PIP4K2A: variants seen among roughly 807,000 people sequenced by gnomAD.
PIP4K2A encodes the protein phosphatidylinositol-5-phosphate 4-kinase type 2 alpha, also known as phosphatidylinositol 5-phosphate 4-kinase type-2 alpha.
In PIP4K2A, 14 loss-of-function variants were observed where a neutral mutation model predicts 42.9. The observed-to-expected ratio is 0.33, with a 90% confidence interval of 0.22 to 0.51. The LOEUF (loss-of-function observed/expected upper bound fraction) is 0.51, where lower values mean the gene tolerates loss of function less well. Ranked by LOEUF, PIP4K2A falls within the 20% of genes least tolerant of loss-of-function variation. PIP4K2A has a pLI of 0.97. For synonymous variants in PIP4K2A, 192 were observed against 192.2 expected (o/e 1.00, Z 0.01); for missense variants, 434 against 519.8 (o/e 0.83, Z 1.61).
intron 4 of PIP4K2A, among the ~76,000 whole-genome samples, chr10:22,584,569 C>G (rs964531862): frequency 6.6e-6 from 1 of 152,118 alleles, no homozygotes; most frequent in Non-Finnish European, 1.5e-5. Context: ...GCAGGAAAAG[C>G]TTGCTGGGGA....
intron 1 of PIP4K2A, among the ~76,000 whole-genome samples, chr10:22,645,887 A>C (rs1044829022): frequency 1.3e-5 from 2 of 151,898 alleles, no homozygotes; most frequent in African/African-American, 4.8e-5. Flanking sequence ...TATTTGTATT[A>C]ATTTTTTTAT....
At chr10:22,667,062 A>G (rs1366960805) in intron 1 of PIP4K2A, among the ~76,000 whole-genome samples, 9 of 152,244 alleles carry the variant, frequency 5.9e-5, no homozygotes, top group Non-Finnish European at 8.8e-5. Flanking sequence ...CTCACAGACT[A>G]TAACTTTGTA....
At chr10:22,632,394 A>G (rs186593495) in intron 1 of PIP4K2A, among the ~76,000 whole-genome samples, 40 of 152,360 alleles carry the variant, frequency 2.6e-4, no homozygotes, top group African/African-American at 9.1e-4. Context: ...TTTCAAAATG[A>G]AAATAAAAAC....
intron 1 of PIP4K2A, among the ~76,000 whole-genome samples, chr10:22,628,283 GTTGT>G (rs1452959763): frequency 2.6e-5 from 4 of 152,248 alleles, no homozygotes; most frequent in Non-Finnish European, 5.9e-5. Context: ...TTTTGAAGAA[GTTGT>G]TTGTTTTTGT....
At chr10:22,679,684 C>T (rs951747123) in intron 1 of PIP4K2A, among the ~76,000 whole-genome samples, 1 of 152,094 alleles carries the variant, frequency 6.6e-6, no homozygotes, top group Non-Finnish European at 1.5e-5. Flanking sequence ...AAAGGATAAA[C>T]AAAATGTGGT....
intron 6 of PIP4K2A, among the ~76,000 whole-genome samples, chr10:22,557,216 T>C (rs1172159954): frequency 6.6e-6 from 1 of 152,184 alleles, no homozygotes; most frequent in Non-Finnish European, 1.5e-5. Flanking sequence ...TCTAAACACA[T>C]GCCGCCTTTT....
At chr10:22,636,622 CT>C (rs1230960132) in intron 1 of PIP4K2A, among the ~76,000 whole-genome samples, 1 of 152,054 alleles carries the variant, frequency 6.6e-6, no homozygotes, top group Non-Finnish European at 1.5e-5. Flanking sequence ...TCAAGCAAAA[CT>C]TTCTGAAAGT....
intron 6 of PIP4K2A, among the ~76,000 whole-genome samples, chr10:22,563,823 C>G (rs1836769196): frequency 6.6e-6 from 1 of 152,182 alleles, no homozygotes; most frequent in Admixed American, 6.5e-5. Flanking sequence ...CATCTGGTGA[C>G]TGTTAAGGAT....
At position 22,541,878 on chromosome 10, in the gene PIP4K2A, A is replaced by G. The variant is rs751857823; in HGVS notation, c.962T>C (p.Leu321Pro). 2 of 1,612,414 alleles carry G rather than the reference A, an allele frequency of 1.2e-6. No individual in the cohort carries two copies. The highest frequency in any genetic ancestry group is 3.3e-5 in the Admixed American group (2 of 59,878). The change falls in exon 8 of 10, where the codon CTG (leucine) becomes CCG (proline). Residue 321 changes from leucine to proline, a missense_variant. By Grantham distance (98) the Leu-to-Pro change is moderately conservative. Coordinates refer to ENST00000376573, the MANE Select transcript of PIP4K2A (RefSeq NM_005028.5). ...GGGAGCCAGGGGTGGTGAGCTGTTC[A>G]GTGTATTCCCGGGGCTATCTGGGGG... is the stretch of plus-strand genomic sequence containing the variant. Reference protein sequence around the residue: ...GTPPDSPGNTLNSSPPLAPGE... With the variant: ...GTPPDSPGNTPNSSPPLAPGE...
chr10:22,632,093 A>G (rs187135146), intron 1 of PIP4K2A, among the ~76,000 whole-genome samples: 28 of 152,328 alleles, frequency 1.8e-4, no homozygotes, highest in Admixed American at 5.9e-4. Flanking sequence ...AGTCTTCATG[A>G]AAAGTGTAAA....
At chr10:22,562,952 G>A (rs59855089) in intron 6 of PIP4K2A, among the ~76,000 whole-genome samples, 1,780 of 152,266 alleles carry the variant, frequency 0.012, 43 homozygotes, top group African/African-American at 0.041. Flanking sequence ...GGTCGGTGAC[G>A]GTGGGTGGGA....
intron 1 of PIP4K2A, among the ~76,000 whole-genome samples, chr10:22,664,168 C>CGTATATATATACAT (rs1321805173): frequency 6.6e-5 from 2 of 30,210 alleles, no homozygotes; most frequent in Non-Finnish European, 1.1e-4. Context: ...TATATATATA[C>CGTATATATATACAT]ATATATATAT....
intron 4 of PIP4K2A, among the ~76,000 whole-genome samples, chr10:22,587,709 G>A (rs1447438686): frequency 2.6e-5 from 4 of 152,186 alleles, no homozygotes; most frequent in African/African-American, 7.2e-5. Context: ...TCTGGAAGTG[G>A]CATACAAGAA....
intron 4 of PIP4K2A, among the ~76,000 whole-genome samples, chr10:22,574,251 T>C (rs1837058113): frequency 2.6e-5 from 4 of 152,166 alleles, no homozygotes; most frequent in Admixed American, 2.6e-4. Flanking sequence ...TTTAAAATCA[T>C]GGGGAAGTAA....
chr10:22,563,928 G>C (rs1457746477), intron 6 of PIP4K2A, among the ~76,000 whole-genome samples: 4 of 152,064 alleles, frequency 2.6e-5, no homozygotes, highest in Non-Finnish European at 4.4e-5. Context: ...CTACCCCCTA[G>C]GGAGATGTTT....
intron 1 of PIP4K2A, among the ~76,000 whole-genome samples, chr10:22,703,756 T>G (rs572349267): frequency 1.3e-5 from 2 of 152,322 alleles, no homozygotes; most frequent in East Asian, 3.8e-4. Context: ...CAAAACTGAA[T>G]GCCGGGAGAC....
intron 3 of PIP4K2A, among the ~76,000 whole-genome samples, chr10:22,605,371 T>A (rs1180473266): frequency 2.0e-5 from 3 of 152,234 alleles, no homozygotes; most frequent in African/African-American, 7.2e-5. Flanking sequence ...ATCCTCCACT[T>A]GCCTAATTTT....
chr10:22,697,191 G>A lies in PIP4K2A; in HGVS notation c.144+16992C>T, dbSNP rs1839989593. Among the ~76,000 whole-genome samples, 3 of 151,030 alleles carry A rather than the reference G, an allele frequency of 2.0e-5. No homozygotes were observed. In the South Asian group the frequency reaches 6.3e-4, roughly 32 times the overall value. The stretch of plus-strand genomic sequence containing the variant: ...GTTAAGTAAAAATTAAAATTGCATT[G>A]CTTTTCCTTTCTGAGTGTCTTATCT... On this transcript the variant is annotated intron_variant, in intron 1 of 9. Coordinates refer to ENST00000376573, the MANE Select transcript of PIP4K2A (RefSeq NM_005028.5).
chr10:22,593,603 G>A (rs1271570051), intron 3 of PIP4K2A, among the ~76,000 whole-genome samples: 1 of 152,174 alleles, frequency 6.6e-6, no homozygotes, highest in Non-Finnish European at 1.5e-5. Flanking sequence ...TCCCCTTGTG[G>A]GGTTTTAAAT....
Sources: allele counts gnomAD v4.1 joint callset (sites outside exome capture counted in the v4.1 genomes callset), GRCh38; gene constraint gnomAD v4.1.1; transcripts MANE v1.5; gene names NCBI Gene and HGNC (gene_info 2026-07-23, HGNC 2026-07-21).